The following GRIN3A variants were observed in gnomAD, a reference collection of about 807,000 sequenced individuals.
The protein encoded by GRIN3A is glutamate receptor ionotropic, NMDA 3A.
In GRIN3A, 47 loss-of-function variants were observed where a neutral mutation model predicts 92.4. The ratio of observed to expected loss-of-function variants is 0.51; its 90% confidence interval spans 0.40 to 0.65. The LOEUF is 0.65. Ranked by LOEUF, GRIN3A falls within the 30% of genes least tolerant of loss-of-function variation. GRIN3A has a pLI of 0.00. For synonymous variants in GRIN3A, 527 were observed against 540.6 expected, an observed-to-expected ratio of 0.97 and a Z score of 0.35; for missense variants, 1,324 against 1,393.1, an observed-to-expected ratio of 0.95 and a Z score of 0.79.
chr9:101,569,389 A>T lies in GRIN3A; in HGVS notation c.*3785T>A, dbSNP rs1322114325. The T allele has an allele frequency of 1.3e-5, 2 of 152,204 alleles. No individual in the cohort carries two copies. Among genetic ancestry groups the T allele is most frequent in the African/African-American group, 4.8e-5 (2 of 41,458 alleles). 9.4% of individuals were successfully genotyped at this position (152,204 alleles called of 1,614,324 possible). On this transcript the variant is annotated 3_prime_UTR_variant, in exon 9 of 9. Coordinates refer to ENST00000361820, the MANE Select transcript of GRIN3A (RefSeq NM_133445.3). ...CTGAACATTTATTCCACAGTCATAG[A>T]AACTGAAGATGGAAAAGACCTGAGG...
rs145862529 is a variant in GRIN3A, at chr9:101,573,347, G to T, written c.3175C>A (p.Arg1059=). The T allele has an allele frequency of 2.5e-6, 4 of 1,613,882 alleles. No individual in the cohort carries two copies. The highest frequency in any genetic ancestry group is 2.2e-5 in the South Asian group (2 of 91,082). Residue 1059 remains arginine, a synonymous_variant, in exon 9 of 9, where the codon CGG becomes AGG. Transcript: ENST00000361820. The part of the protein sequence containing the change: ...PPRRRELPAL[R]TTNGKADSLN... ...GAGTCTGCTTTCCCATTGGTGGTCC[G>T]CAAGGCAGGGAGCTCTCTTCTCCTT...
At position 101,715,214 on chromosome 9, in the gene GRIN3A, A is replaced by AAG. The variant is rs1210549743; in HGVS notation, c.699+22066_699+22067insCT. The stretch of plus-strand genomic sequence containing the variant: ...GACAAAAATGGTAAAAAAAAAAAAA[A>AAG]AAAAAGAAAATGTCAACATTCTATG... On this transcript the variant is annotated intron_variant, in intron 1 of 8. Transcript: ENST00000361820. 7.7e-4 allele frequency among the ~76,000 whole-genome samples: 117 copies of AAG among 151,496 alleles called. 1 individual carries two copies. Among genetic ancestry groups the AAG allele is most frequent in the Non-Finnish European group, 1.2e-3 (83 of 67,826 alleles).
chr9:101,737,356 C>G lies in GRIN3A; in HGVS notation c.624G>C (p.Glu208Asp). The change falls in exon 1 of 9, where the codon GAG (glutamate) becomes GAC (aspartate). Residue 208 changes from glutamate to aspartate, a missense_variant. By Grantham distance (45) the Glu-to-Asp change is conservative. Transcript: ENST00000361820. ...AFPQSQGEMM[E>D]LDLVSLVLHI... Reference sequence around the variant, plus strand: ...GCAGGACTAAGCTGACCAAGTCGAGCTCCATCATTTCGCCCTGGCTCTGGG... The same window carrying G: ...GCAGGACTAAGCTGACCAAGTCGAGGTCCATCATTTCGCCCTGGCTCTGGG... 1 of 1,614,246 alleles carries G rather than the reference C, an allele frequency of 6.2e-7. No individual in the cohort carries two copies. Among genetic ancestry groups the G allele is most frequent in the Non-Finnish European group, 8.5e-7 (1 of 1,180,046 alleles).
At position 101,707,682 on chromosome 9, in the gene GRIN3A, T is replaced by C. The variant is rs1412749164; in HGVS notation, c.700-20482A>G. The stretch of plus-strand genomic sequence containing the variant: ...TAACAGAGACATTTCTAACACTATA[T>C]ATGCCTAAAATTTTAAGACAATATT... On this transcript the variant is annotated intron_variant, in intron 1 of 8. Transcript: ENST00000361820. 2.0e-5 allele frequency among the ~76,000 whole-genome samples: 3 copies of C among 152,232 alleles called. 1 individual carries two copies. Among genetic ancestry groups the C allele is most frequent in the African/African-American group, 7.2e-5 (3 of 41,456 alleles).
At chr9:101,589,152 T>A (rs538434230) in intron 6 of GRIN3A, among the ~76,000 whole-genome samples, 9 of 152,218 alleles carry the variant, frequency 5.9e-5, no homozygotes, top group African/African-American at 1.7e-4. Flanking sequence ...TGTATTTTTT[T>A]AATAGAGATG....
intron 6 of GRIN3A, among the ~76,000 whole-genome samples, chr9:101,587,867 G>A (rs1036998315): frequency 2.6e-5 from 4 of 152,222 alleles, no homozygotes; most frequent in African/African-American, 7.2e-5. Context: ...TTGGAAGCAG[G>A]ACAAGGAAGA....
At chr9:101,611,442 T>G (rs766449571) in intron 6 of GRIN3A, among the ~76,000 whole-genome samples, 4 of 152,146 alleles carry the variant, frequency 2.6e-5, no homozygotes, top group Non-Finnish European at 4.4e-5. Flanking sequence ...AACTACATTT[T>G]CAAAGACCCT....
chr9:101,653,656 T>C (rs1332041122), intron 3 of GRIN3A, among the ~76,000 whole-genome samples: 1 of 151,918 alleles, frequency 6.6e-6, no homozygotes, highest in Non-Finnish European at 1.5e-5. Context: ...AGAACTGCTA[T>C]TTAGAACTTT....
intron 1 of GRIN3A, among the ~76,000 whole-genome samples, chr9:101,693,510 A>G (rs1588286196): frequency 6.6e-6 from 1 of 152,090 alleles, no homozygotes; most frequent in African/African-American, 2.4e-5. Flanking sequence ...TGTTCCCTCT[A>G]CTTGATAAAA....
At chr9:101,692,146 C>A (rs1829628272) in intron 1 of GRIN3A, among the ~76,000 whole-genome samples, 1 of 152,112 alleles carries the variant, frequency 6.6e-6, no homozygotes, top group South Asian at 2.1e-4. Context: ...ATACAATGGT[C>A]TCAGCAATAG....
In GRIN3A at chr9:101,577,761, T is replaced by C; in HGVS notation, c.3008+7A>G. ...TATAAAGACAGTTGCCATTGGCCCC[T>C]TCTTACCTCTTTTCCACACGTTTGG... On this transcript the variant is annotated splice_region_variant and intron_variant, in intron 8 of 8. Transcript: ENST00000361820. The C allele has an allele frequency of 6.2e-7, 1 of 1,604,452 alleles. No homozygotes were observed. The highest frequency in any genetic ancestry group is 8.5e-7 in the Non-Finnish European group (1 of 1,171,742).
At chr9:101,646,404 G>T (rs1828938567) in intron 3 of GRIN3A, among the ~76,000 whole-genome samples, 1 of 151,660 alleles carries the variant, frequency 6.6e-6, no homozygotes, top group African/African-American at 2.4e-5. Flanking sequence ...TCAGTATTGT[G>T]CTTCCACTTA....
At chr9:101,699,047 C>A (rs916569330) in intron 1 of GRIN3A, among the ~76,000 whole-genome samples, 21 of 152,264 alleles carry the variant, frequency 1.4e-4, no homozygotes, top group East Asian at 1.2e-3. Context: ...TTTTAAAAAA[C>A]CTTTTTGACT....
intron 3 of GRIN3A, among the ~76,000 whole-genome samples, chr9:101,655,751 G>A (rs2118924814): frequency 6.6e-6 from 1 of 152,044 alleles, no homozygotes; most frequent in African/African-American, 2.4e-5. Flanking sequence ...AAGTGAAAGT[G>A]TTTGGGAGGC....
intron 3 of GRIN3A, among the ~76,000 whole-genome samples, chr9:101,640,552 G>A (rs780219133): frequency 2.6e-5 from 4 of 152,138 alleles, no homozygotes; most frequent in Non-Finnish European, 5.9e-5. Flanking sequence ...TGTTAGTTCT[G>A]TTTCCACTAC....
At chr9:101,718,250 G>C (rs991868594) in intron 1 of GRIN3A, among the ~76,000 whole-genome samples, 4 of 152,178 alleles carry the variant, frequency 2.6e-5, no homozygotes, top group Non-Finnish European at 4.4e-5. Flanking sequence ...TTACATAACT[G>C]TATGACAGAT....
intron 1 of GRIN3A, among the ~76,000 whole-genome samples, chr9:101,695,826 C>T (rs1033177518): frequency 2.0e-5 from 3 of 152,172 alleles, no homozygotes; most frequent in African/African-American, 7.2e-5. Flanking sequence ...GCTACAGAGA[C>T]AACTGGTTTC....
At chr9:101,622,375 G>C (rs963445139) in intron 5 of GRIN3A, among the ~76,000 whole-genome samples, 1 of 152,210 alleles carries the variant, frequency 6.6e-6, no homozygotes, top group Admixed American at 6.5e-5. Flanking sequence ...TGGCTGTCTC[G>C]AGAGCCAGCA....
intron 3 of GRIN3A, among the ~76,000 whole-genome samples, chr9:101,668,624 A>C (rs532841843): frequency 1.3e-5 from 2 of 152,132 alleles, no homozygotes; most frequent in African/African-American, 4.8e-5. Flanking sequence ...TGTTCACTGA[A>C]TTCCAGCTCC....
Sources: allele counts gnomAD v4.1 joint callset (sites outside exome capture counted in the v4.1 genomes callset), GRCh38; gene constraint gnomAD v4.1.1; transcripts MANE v1.5; gene names NCBI Gene and HGNC (gene_info 2026-07-23, HGNC 2026-07-21).